SDK1: variants seen among roughly 807,000 people sequenced by gnomAD.
SDK1 encodes the protein sidekick cell adhesion molecule 1.
In SDK1, 157 loss-of-function variants were observed where a neutral mutation model predicts 245.5. The ratio of observed to expected loss-of-function variants is 0.64; its 90% CI spans 0.56 to 0.73. The LOEUF (loss-of-function observed/expected upper bound fraction) is 0.73, where lower values mean the gene tolerates loss of function less well. Ranked by LOEUF, SDK1 falls within the 30% of genes least tolerant of loss-of-function variation. SDK1 has a pLI of 0.00. For synonymous variants in SDK1, 1,647 were observed against 1,278.5 expected, an observed-to-expected ratio of 1.29 and a Z score of -6.15; for missense variants, 3,583 against 3,002.3, an observed-to-expected ratio of 1.19 and a Z score of -4.52.
At chr7:3,453,973 G>C (rs983681676) in intron 1 of SDK1, among the ~76,000 whole-genome samples, 7 of 152,122 alleles carry the variant, frequency 4.6e-5, no homozygotes, top group African/African-American at 1.4e-4. Context: ...GACTGGTTTT[G>C]TAGGAGAAAA....
intron 1 of SDK1, among the ~76,000 whole-genome samples, chr7:3,427,611 A>G (rs1449232693): frequency 6.6e-6 from 1 of 151,688 alleles, no homozygotes; most frequent in Admixed American, 6.6e-5. Context: ...ATCTTGTCAT[A>G]CGATATAAGA....
chr7:3,431,155 C>T (rs147470330), intron 1 of SDK1, among the ~76,000 whole-genome samples: 15 of 152,288 alleles, frequency 9.8e-5, no homozygotes, highest in Non-Finnish European at 1.5e-4. Flanking sequence ...CTTGCCTCAG[C>T]GTCCCAAAGT....
chr7:3,934,919 G>A (rs1011739193), intron 5 of SDK1, among the ~76,000 whole-genome samples: 18 of 152,314 alleles, frequency 1.2e-4, no homozygotes, highest in African/African-American at 3.4e-4. Flanking sequence ...GTTCAGCCCC[G>A]AGGCAACCCC....
rs182857275 is a variant in SDK1 at position 3,936,409 on chromosome 7, A to G, written c.848-14514A>G. Among the ~76,000 whole-genome samples the G allele has an allele frequency of 6.8e-3, 1,030 of 152,122 alleles. 9 individuals are homozygous for G. The highest frequency in any genetic ancestry group is 0.011 in the Non-Finnish European group (723 of 67,990). ...ATCCTGGCTAACACGGTGAAACCCC[A>G]TCTGTACTAAAAATAGAAAAAAAAA... On this transcript the variant is annotated intron_variant, in intron 5 of 44. Transcript: ENST00000404826.
intron 1 of SDK1, among the ~76,000 whole-genome samples, chr7:3,505,548 G>C (rs1285309611): frequency 6.6e-6 from 1 of 152,118 alleles, no homozygotes; most frequent in Non-Finnish European, 1.5e-5. Context: ...ACTGCACTTG[G>C]CTTATTGTTT....
intron 1 of SDK1, among the ~76,000 whole-genome samples, chr7:3,481,351 G>T (rs1446401687): frequency 3.3e-5 from 5 of 152,114 alleles, no homozygotes; most frequent in Admixed American, 1.3e-4. Context: ...ATATCATCCT[G>T]GTACAGTTTC....
At chr7:3,932,331 G>A (rs781265760) in intron 5 of SDK1, among the ~76,000 whole-genome samples, 8 of 152,066 alleles carry the variant, frequency 5.3e-5, no homozygotes, top group Admixed American at 2.0e-4. Flanking sequence ...TCTCTCTGTC[G>A]TCAACTTTAG....
intron 1 of SDK1, among the ~76,000 whole-genome samples, chr7:3,604,441 T>G (rs1781352910): frequency 6.6e-6 from 1 of 152,182 alleles, no homozygotes; most frequent in South Asian, 2.1e-4. Flanking sequence ...GCTTTCCCTC[T>G]TTCTAATGTA....
intron 1 of SDK1, among the ~76,000 whole-genome samples, chr7:3,614,853 T>A (rs994573133): frequency 4.2e-5 from 6 of 144,050 alleles, no homozygotes; most frequent in African/African-American, 1.5e-4. Flanking sequence ...ACCATAATTT[T>A]ACGGCCATTT....
At chr7:3,315,209 T>G (rs1779635727) in intron 1 of SDK1, among the ~76,000 whole-genome samples, 1 of 152,214 alleles carries the variant, frequency 6.6e-6, no homozygotes, top group Non-Finnish European at 1.5e-5. Context: ...ATATATTAGG[T>G]GAAAAATGAG....
intron 1 of SDK1, among the ~76,000 whole-genome samples, chr7:3,435,488 G>T (rs937546672): frequency 6.6e-6 from 1 of 150,816 alleles, no homozygotes; most frequent in Admixed American, 6.6e-5. Flanking sequence ...AGACAGTCAC[G>T]CCCAGCTAAT....
At chr7:3,666,314 C>G (rs1321199008) in intron 4 of SDK1, among the ~76,000 whole-genome samples, 1 of 152,226 alleles carries the variant, frequency 6.6e-6, no homozygotes, top group Non-Finnish European at 1.5e-5. Context: ...CAGCCTTGTA[C>G]ACTGTCCCAG....
intron 17 of SDK1, among the ~76,000 whole-genome samples, chr7:4,034,661 G>A (rs1267981201): frequency 1.3e-5 from 2 of 152,128 alleles, no homozygotes; most frequent in African/African-American, 2.4e-5. Context: ...TCACAAACTC[G>A]ACTTTTAGGA....
chr7:3,446,158 T>G (rs138284499), intron 1 of SDK1, among the ~76,000 whole-genome samples: 2,374 of 152,226 alleles, frequency 0.016, 23 homozygotes, highest in Non-Finnish European at 0.024. Context: ...CTCATTTCTT[T>G]CTCAAGACAT....
intron 2 of SDK1, among the ~76,000 whole-genome samples, chr7:3,629,194 G>A (rs4720001): frequency 0.25 from 37,097 of 151,026 alleles, 5,527 homozygotes; most frequent in Non-Finnish European, 0.33. Flanking sequence ...CCATCTACTC[G>A]GGAGGCTGAG....
chr7:3,687,615 G>T (rs997805862), intron 4 of SDK1, among the ~76,000 whole-genome samples: 1 of 152,158 alleles, frequency 6.6e-6, no homozygotes, highest in African/African-American at 2.4e-5. Context: ...AAAAAATTCA[G>T]TCCCAAGAGA....
chr7:4,213,227 G>C (rs1019353105), intron 38 of SDK1, among the ~76,000 whole-genome samples: 2 of 151,984 alleles, frequency 1.3e-5, no homozygotes, highest in African/African-American at 4.8e-5. Context: ...GCCTGGCCAA[G>C]ATGGTGAAAC....
intron 4 of SDK1, among the ~76,000 whole-genome samples, chr7:3,797,977 T>C (rs76573916): frequency 0.016 from 2,417 of 152,266 alleles, 30 homozygotes; most frequent in Non-Finnish European, 0.024. Flanking sequence ...AGTTCTGGTT[T>C]TCCCTTCACA....
In SDK1 at chr7:3,621,304, G is replaced by A. The variant is rs865957903; in HGVS notation, c.458+2065G>A. On this transcript the variant is annotated intron_variant, in intron 2 of 44. Coordinates refer to ENST00000404826, the MANE Select transcript of SDK1 (RefSeq NM_152744.4). Reference sequence around the variant, plus strand: ...TCAGGGACTTGCTCTTCAACTTACCGGTGTGACTTTGGACAAGTTATCTAA... The same window carrying A: ...TCAGGGACTTGCTCTTCAACTTACCAGTGTGACTTTGGACAAGTTATCTAA... 5.3e-5 allele frequency among the ~76,000 whole-genome samples: 8 copies of A among 152,118 alleles called. No homozygotes were observed. The South Asian group carries it at 6.2e-4, about 12-fold the overall frequency.
Sources: gnomAD v4.1 joint callset for allele counts (sites outside exome capture counted in the v4.1 genomes callset) on GRCh38, gnomAD v4.1.1 for gene constraint, MANE v1.5 for transcripts, NCBI Gene and HGNC (gene_info 2026-07-23, HGNC 2026-07-21) for gene names.